The following KCNH1 variants were observed in gnomAD, a reference collection of about 807,000 sequenced individuals.
The protein encoded by KCNH1 is voltage-gated delayed rectifier potassium channel KCNH1.
A neutral mutation model predicts 69.2 loss-of-function variants in KCNH1; 27 were observed. The observed-to-expected ratio is 0.39, with a 90% confidence interval of 0.29 to 0.54. The LOEUF (loss-of-function observed/expected upper bound fraction) is 0.54, where lower values mean the gene tolerates loss of function less well. KCNH1 is among the 20% of genes least tolerant of loss of function. KCNH1 has a pLI of 0.68. For missense variants in KCNH1, 798 were observed against 1,261.6 expected, an observed-to-expected ratio of 0.63 and a Z score of 5.57; for synonymous variants, 456 against 487.7, an observed-to-expected ratio of 0.93 and a Z score of 0.86.
At chr1:210,944,079 C>T (rs1024629281) in intron 6 of KCNH1, among the ~76,000 whole-genome samples, 1 of 152,196 alleles carries the variant, frequency 6.6e-6, no homozygotes, top group Non-Finnish European at 1.5e-5. Context: ...GCCACTAATG[C>T]CCAAAGAGGT....
chr1:211,018,578 C>T (rs1689535068), intron 6 of KCNH1, among the ~76,000 whole-genome samples: 1 of 152,186 alleles, frequency 6.6e-6, no homozygotes, highest in East Asian at 1.9e-4. Flanking sequence ...CCTTTGGTCT[C>T]TTCCACACCC....
At chr1:210,999,224 G>A (rs372061143) in intron 6 of KCNH1, among the ~76,000 whole-genome samples, 20 of 152,030 alleles carry the variant, frequency 1.3e-4, no homozygotes, top group East Asian at 3.9e-4. Context: ...TGAATCCAGG[G>A]GCTGGTTTTT....
At chr1:211,010,774 A>C (rs1002087253) in intron 6 of KCNH1, among the ~76,000 whole-genome samples, 2 of 152,112 alleles carry the variant, frequency 1.3e-5, no homozygotes, top group Non-Finnish European at 2.9e-5. Flanking sequence ...GGGGAGTTGT[A>C]TGCCTATCCC....
At chr1:210,726,532 A>G (rs933556683) in intron 10 of KCNH1, among the ~76,000 whole-genome samples, 1 of 152,192 alleles carries the variant, frequency 6.6e-6, no homozygotes, top group African/African-American at 2.4e-5. Context: ...GACCAGGGTC[A>G]TGCTCAGGTC....
intron 10 of KCNH1, among the ~76,000 whole-genome samples, chr1:210,692,707 G>A (rs1003349970): frequency 6.6e-6 from 1 of 152,122 alleles, no homozygotes. Context: ...TGGGGAAGAC[G>A]GAGGAGATAC....
At chr1:210,807,271 C>T (rs1233112584) in intron 7 of KCNH1, among the ~76,000 whole-genome samples, 1 of 152,042 alleles carries the variant, frequency 6.6e-6, no homozygotes. Flanking sequence ...CCTCAGCAAT[C>T]ACAACCTTTT....
intron 5 of KCNH1, among the ~76,000 whole-genome samples, chr1:211,050,480 G>A (rs868732918): frequency 2.0e-5 from 3 of 151,946 alleles, no homozygotes; most frequent in African/African-American, 7.3e-5. Flanking sequence ...AAGAGGTAAG[G>A]GCAGTGGGAA....
chr1:211,028,805 G>A (rs529737121), intron 5 of KCNH1, among the ~76,000 whole-genome samples: 1 of 151,868 alleles, frequency 6.6e-6, no homozygotes, highest in Non-Finnish European at 1.5e-5. Flanking sequence ...AGGCCCAGAT[G>A]GTTTTAATAA....
intron 7 of KCNH1, among the ~76,000 whole-genome samples, chr1:210,868,676 T>G (rs1251660628): frequency 6.6e-6 from 1 of 152,066 alleles, no homozygotes; most frequent in Non-Finnish European, 1.5e-5. Flanking sequence ...AATCACAAGA[T>G]TCTTCATTTC....
chr1:210,760,591 T>C (rs1261390219), intron 10 of KCNH1, among the ~76,000 whole-genome samples: 1 of 152,236 alleles, frequency 6.6e-6, no homozygotes, highest in Admixed American at 6.5e-5. Context: ...TTCATGCTTC[T>C]GATAAAGACA....
At chr1:210,706,227 C>T (rs1242438451) in intron 10 of KCNH1, among the ~76,000 whole-genome samples, 1 of 152,142 alleles carries the variant, frequency 6.6e-6, no homozygotes, top group African/African-American at 2.4e-5. Flanking sequence ...CAGGCTTTGC[C>T]GCCATCAGCT....
intron 10 of KCNH1, among the ~76,000 whole-genome samples, chr1:210,711,572 C>T (rs1352295468): frequency 2.0e-5 from 3 of 152,190 alleles, no homozygotes; most frequent in Admixed American, 2.0e-4. Flanking sequence ...GCCTAGCCAG[C>T]TCTTACTTCC....
intron 6 of KCNH1, among the ~76,000 whole-genome samples, chr1:210,931,793 A>G (rs949948158): frequency 1.3e-5 from 2 of 151,966 alleles, no homozygotes; most frequent in African/African-American, 4.8e-5. Context: ...GATAGATATC[A>G]TAAAAGAGAA....
rs1024359067 is a variant in KCNH1, at chr1:211,077,919, C to A, written c.558+4861G>T. Among the ~76,000 whole-genome samples, 3 of 150,628 alleles carry A rather than the reference C, an allele frequency of 2.0e-5. No homozygotes were observed. In the East Asian group the frequency reaches 5.9e-4, roughly 29 times the overall value. On this transcript the variant is annotated intron_variant, in intron 5 of 10. Coordinates refer to ENST00000271751, the MANE Select transcript of KCNH1 (RefSeq NM_172362.3). The stretch of plus-strand genomic sequence containing the variant: ...AAATAAAGGGATGGAGGAAGATCTA[C>A]TAAGCAAATGGAAAGCAAAAAGAAA...
At chr1:210,998,975 G>A (rs559587138) in intron 6 of KCNH1, among the ~76,000 whole-genome samples, 17 of 152,312 alleles carry the variant, frequency 1.1e-4, no homozygotes, top group African/African-American at 4.1e-4. Context: ...TGAGAACAAA[G>A]ACACAACATA....
At chr1:211,019,550 G>A (rs1354961733) in intron 5 of KCNH1, among the ~76,000 whole-genome samples, 2 of 152,052 alleles carry the variant, frequency 1.3e-5, no homozygotes, top group African/African-American at 2.4e-5. Context: ...TGTTCTATTA[G>A]CCAATTATTA....
intron 9 of KCNH1, among the ~76,000 whole-genome samples, chr1:210,789,916 T>C (rs928839377): frequency 6.6e-6 from 1 of 152,254 alleles, no homozygotes; most frequent in Admixed American, 6.5e-5. Flanking sequence ...TCTTTCTCTT[T>C]TTAGAGACAG....
At chr1:211,025,277 G>A (rs1689664125) in intron 5 of KCNH1, among the ~76,000 whole-genome samples, 1 of 152,154 alleles carries the variant, frequency 6.6e-6, no homozygotes, top group Non-Finnish European at 1.5e-5. Context: ...CTTTAGTAGA[G>A]GTAAGATTAG....
chr1:210,947,574 C>CAA (rs200240311), intron 6 of KCNH1, among the ~76,000 whole-genome samples: 47 of 113,630 alleles, frequency 4.1e-4, no homozygotes, highest in African/African-American at 1.6e-3. Context: ...GACTCTGTCT[C>CAA]AAAAAAAAAA....
Sources: gnomAD v4.1 joint callset for allele counts (sites outside exome capture counted in the v4.1 genomes callset) on GRCh38, gnomAD v4.1.1 for gene constraint, MANE v1.5 for transcripts, NCBI Gene and HGNC (gene_info 2026-07-23, HGNC 2026-07-21) for gene names.